The following IL1RAPL1 variants were observed in gnomAD, a reference collection of about 807,000 sequenced individuals.
The protein encoded by IL1RAPL1 is interleukin 1 receptor accessory protein like 1.
A neutral mutation model predicts 48.4 loss-of-function variants in IL1RAPL1; 3 were observed. That is an observed-to-expected ratio of 0.06 (90% CI 0.03 to 0.16). IL1RAPL1 has a LOEUF of 0.16. Ranked by LOEUF, IL1RAPL1 falls within the 10% of genes least tolerant of loss-of-function variation. The pLI, the probability that IL1RAPL1 is intolerant of heterozygous loss-of-function variation, is 1.00. For synonymous variants in IL1RAPL1, 185 were observed against 187.7 expected, an observed-to-expected ratio of 0.99 and a Z score of 0.12; for missense variants, 349 against 530.6, an observed-to-expected ratio of 0.66 and a Z score of 3.36.
At chrX:28,890,692 A>C (rs1922749083) in intron 2 of IL1RAPL1, among the ~76,000 whole-genome samples, 1 of 111,833 alleles carries the variant, frequency 8.9e-6, no homozygotes, top group Admixed American at 9.6e-5. Flanking sequence ...CTTTCTACAG[A>C]ACCATTTTAG....
intron 1 of IL1RAPL1, among the ~76,000 whole-genome samples, chrX:28,646,918 C>T (rs1934619097): frequency 8.9e-6 from 1 of 112,028 alleles, no homozygotes; most frequent in Admixed American, 9.5e-5. Context: ...TTCTTGTTTC[C>T]CTTAGTTCCC....
intron 3 of IL1RAPL1, among the ~76,000 whole-genome samples, chrX:29,329,351 A>G (rs1468428387): frequency 8.9e-6 from 1 of 111,972 alleles, no homozygotes; most frequent in Non-Finnish European, 1.9e-5. Flanking sequence ...TCTTAGGTAT[A>G]TACCCAAGAG....
At chrX:29,404,598 C>A (rs992846947) in intron 5 of IL1RAPL1, among the ~76,000 whole-genome samples, 1 of 112,044 alleles carries the variant, frequency 8.9e-6, no homozygotes, top group Non-Finnish European at 1.9e-5. Context: ...ATTTCACTTA[C>A]CCATATTGTA....
At chrX:29,692,758 A>G (rs1251859079) in intron 6 of IL1RAPL1, among the ~76,000 whole-genome samples, 1 of 111,273 alleles carries the variant, frequency 9.0e-6, no homozygotes, top group Non-Finnish European at 1.9e-5. Flanking sequence ...CCTCATGTTC[A>G]AGGCTTCCTT....
At chrX:28,768,633 T>C (rs1170417318) in intron 1 of IL1RAPL1, among the ~76,000 whole-genome samples, 1 of 104,350 alleles carries the variant, frequency 9.6e-6, no homozygotes, top group Non-Finnish European at 2.0e-5. Context: ...CTAATCAATG[T>C]AATATTGCTT....
intron 1 of IL1RAPL1, among the ~76,000 whole-genome samples, chrX:28,762,786 G>GCACA (rs759005946): frequency 0.031 from 1,937 of 62,665 alleles, 44 homozygotes; most frequent in African/African-American, 0.069. Context: ...GCACGCGCGC[G>GCACA]CACACACACA....
intron 2 of IL1RAPL1, among the ~76,000 whole-genome samples, chrX:29,179,156 A>C (rs1023715794): frequency 3.6e-5 from 4 of 110,587 alleles, no homozygotes; most frequent in African/African-American, 1.3e-4. Flanking sequence ...GCTTGATGGG[A>C]ATGGCATTGA....
At chrX:28,766,271 A>C (rs1241954391) in intron 1 of IL1RAPL1, among the ~76,000 whole-genome samples, 1 of 111,309 alleles carries the variant, frequency 9.0e-6, no homozygotes, top group Non-Finnish European at 1.9e-5. Context: ...GTGTAACCCA[A>C]ATTCTAGCAA....
At chrX:29,882,529 T>C (rs376056416) in intron 6 of IL1RAPL1, among the ~76,000 whole-genome samples, 1 of 111,643 alleles carries the variant, frequency 9.0e-6, no homozygotes, top group East Asian at 2.8e-4. Context: ...ACAGCAAATA[T>C]TTTAGGTTTT....
intron 2 of IL1RAPL1, among the ~76,000 whole-genome samples, chrX:29,096,033 G>A (rs1295704361): frequency 9.0e-6 from 1 of 111,596 alleles, no homozygotes; most frequent in African/African-American, 3.3e-5. Flanking sequence ...ACATTAAAGA[G>A]TATCAACACT....
At chrX:28,590,303 C>T (rs760464094) in intron 1 of IL1RAPL1, among the ~76,000 whole-genome samples, 1 of 111,438 alleles carries the variant, frequency 9.0e-6, no homozygotes, top group Non-Finnish European at 1.9e-5. Context: ...GAGGGCTAAA[C>T]GACTTTTCTG....
chrX:29,356,738 G>A (rs1933309678), intron 3 of IL1RAPL1, among the ~76,000 whole-genome samples: 1 of 110,962 alleles, frequency 9.0e-6, no homozygotes, highest in Non-Finnish European at 1.9e-5. Context: ...CCTCTCATGT[G>A]TCCCCTTATA....
At chrX:29,171,934 G>C (rs1929916861) in intron 2 of IL1RAPL1, among the ~76,000 whole-genome samples, 1 of 112,006 alleles carries the variant, frequency 8.9e-6, no homozygotes, top group Non-Finnish European at 1.9e-5. Context: ...GAATGAATTT[G>C]TGTTCAAATA....
chrX:28,894,648 T>G (rs1922859935), intron 2 of IL1RAPL1, among the ~76,000 whole-genome samples: 1 of 110,268 alleles, frequency 9.1e-6, no homozygotes, highest in Non-Finnish European at 1.9e-5. Context: ...GAGAGTGAGT[T>G]GAGCATAGTT....
At chrX:29,058,362 T>G (rs1384537568) in intron 2 of IL1RAPL1, among the ~76,000 whole-genome samples, 2 of 110,290 alleles carry the variant, frequency 1.8e-5, no homozygotes, top group African/African-American at 6.6e-5. Context: ...AGCGACAGAG[T>G]GAGATTCCAT....
At chrX:29,562,974 G>T (rs1035910224) in intron 5 of IL1RAPL1, among the ~76,000 whole-genome samples, 3 of 111,710 alleles carry the variant, frequency 2.7e-5, no homozygotes, top group Admixed American at 9.5e-5. Flanking sequence ...GCACCATATG[G>T]TAAGGAAATG....
intron 6 of IL1RAPL1, among the ~76,000 whole-genome samples, chrX:29,747,186 G>A (rs893679393): frequency 9.0e-6 from 1 of 111,423 alleles, no homozygotes; most frequent in Admixed American, 9.6e-5. Flanking sequence ...GGTGATGAAG[G>A]GACTCAAACA....
chrX:29,221,620 T>C lies in IL1RAPL1; in HGVS notation c.83-61318T>C, dbSNP rs62586226. ...CAAAGGAGCAATGTATACACACACA[T>C]ACACACACACACACACACACACACA... On this transcript the variant is annotated intron_variant, in intron 2 of 10. Transcript: ENST00000378993. 2.9e-3 allele frequency among the ~76,000 whole-genome samples: 233 copies of C among 79,539 alleles called. 1 individual carries two copies. Among genetic ancestry groups the C allele is most frequent in the African/African-American group, 8.6e-3 (189 of 21,988 alleles). The allele number at this position is 79,539 out of a possible 115,157, so 69.1% of individuals were successfully genotyped here.
chrX:29,062,170 C>T (rs949240276), intron 2 of IL1RAPL1, among the ~76,000 whole-genome samples: 18 of 112,171 alleles, frequency 1.6e-4, no homozygotes, highest in African/African-American at 5.8e-4. Context: ...AGATTTTTCA[C>T]TATACCAGTA....
Sources: allele counts gnomAD v4.1 joint callset (sites outside exome capture counted in the v4.1 genomes callset), GRCh38; gene constraint gnomAD v4.1.1; transcripts MANE v1.5; gene names NCBI Gene and HGNC (gene_info 2026-07-23, HGNC 2026-07-21).